The following ZBTB20 variants were observed in gnomAD, a reference collection of about 807,000 sequenced individuals.
ZBTB20 encodes the protein zinc finger and BTB domain-containing protein 20.
In ZBTB20, 9 loss-of-function variants were observed where a neutral mutation model predicts 56.9. The observed-to-expected ratio is 0.16, with a 90% CI of 0.10 to 0.28. ZBTB20 has a LOEUF of 0.28. Among genes scored for constraint, ZBTB20 ranks in the 10% least tolerant of loss-of-function variants. The pLI is 1.00. For synonymous variants in ZBTB20, 417 were observed against 420.7 expected, an observed-to-expected ratio of 0.99 and a Z score of 0.11; for missense variants, 655 against 1,003.0, an observed-to-expected ratio of 0.65 and a Z score of 4.69.
chr3:114,389,734 A>G (rs1322642076), intron 7 of ZBTB20, among the ~76,000 whole-genome samples: 1 of 242 alleles, frequency 4.1e-3, no homozygotes, highest in African/African-American at 5.9e-3. Context: ...CTAAAATGCA[A>G]AAAAATTAGC....
chr3:115,078,765 C>CA (rs1407949185), intron 1 of ZBTB20, among the ~76,000 whole-genome samples: 14 of 151,752 alleles, frequency 9.2e-5, no homozygotes, highest in African/African-American at 3.1e-4. Context: ...AAACACCTAT[C>CA]AAGAGCTCGG....
intron 3 of ZBTB20, among the ~76,000 whole-genome samples, chr3:114,965,126 T>C (rs1263927538): frequency 6.6e-6 from 1 of 152,206 alleles, no homozygotes; most frequent in Non-Finnish European, 1.5e-5. Context: ...CTTTGTGATA[T>C]AAAAATCTGT....
intron 4 of ZBTB20, among the ~76,000 whole-genome samples, chr3:114,809,017 T>C (rs2072323438): frequency 1.3e-5 from 2 of 152,092 alleles, no homozygotes; most frequent in Admixed American, 1.3e-4. Flanking sequence ...TCCCTCTACC[T>C]CCTGGCTTTG....
chr3:115,131,013 G>A (rs924174404), intron 1 of ZBTB20, among the ~76,000 whole-genome samples: 2 of 152,054 alleles, frequency 1.3e-5, no homozygotes, highest in Non-Finnish European at 2.9e-5. Flanking sequence ...CAGCTGCCTC[G>A]GCCTCCCAAA....
intron 6 of ZBTB20, among the ~76,000 whole-genome samples, chr3:114,669,081 T>A (rs942805332): frequency 6.6e-6 from 1 of 152,104 alleles, no homozygotes; most frequent in African/African-American, 2.4e-5. Flanking sequence ...TGCCACCCCC[T>A]TCCCCACCAG....
intron 8 of ZBTB20, among the ~76,000 whole-genome samples, chr3:114,381,856 C>T (rs908034060): frequency 1.3e-5 from 2 of 152,154 alleles, no homozygotes; most frequent in Non-Finnish European, 2.9e-5. Context: ...GTGAGGCTTT[C>T]AGACATCTTT....
chr3:114,507,463 C>T (rs2044772811), intron 6 of ZBTB20, among the ~76,000 whole-genome samples: 1 of 152,018 alleles, frequency 6.6e-6, no homozygotes, highest in East Asian at 1.9e-4. Flanking sequence ...GGTTTTTTGA[C>T]TATAAGAAAA....
intron 7 of ZBTB20, among the ~76,000 whole-genome samples, chr3:114,480,828 T>G (rs2041459845): frequency 6.6e-6 from 1 of 152,124 alleles, no homozygotes; most frequent in African/African-American, 2.4e-5. Flanking sequence ...TCATTTTTTT[T>G]TTTTTAAACA....
At chr3:115,068,139 T>C (rs1480492763) in intron 2 of ZBTB20, among the ~76,000 whole-genome samples, 24 of 151,970 alleles carry the variant, frequency 1.6e-4, no homozygotes, top group Admixed American at 1.5e-3. Context: ...AAATATCAGG[T>C]TTAACAGAAG....
At position 115,068,999 on chromosome 3, in the gene ZBTB20, C is replaced by T. The variant is rs146876182; in HGVS notation, c.-507+2220G>A. On this transcript the variant is annotated intron_variant, in intron 2 of 11. Transcript: ENST00000675478. ...TCAGCAGTCTTGATGCTGTCTCCTA[C>T]TCTGAAGTGTGAGTCTCTTTTCTAC... 2.3e-4 allele frequency among the ~76,000 whole-genome samples: 35 copies of T among 152,214 alleles called. No individual in the cohort carries two copies. In the East Asian group the frequency reaches 5.4e-3, roughly 23 times the overall value.
In ZBTB20 at chr3:114,670,812, C is replaced by T. The variant is rs566956825; in HGVS notation, c.-295+22716G>A. On this transcript the variant is annotated intron_variant, in intron 6 of 11. Transcript: ENST00000675478. The stretch of plus-strand genomic sequence containing the variant: ...GTGGTAGAAGCAAAATGCTGTGGGG[C>T]ACCCATGTGTCTTACATCTTTCCAA... 7.2e-5 allele frequency among the ~76,000 whole-genome samples: 11 copies of T among 152,230 alleles called. No homozygotes were observed. The East Asian group carries it at 2.1e-3, about 29-fold the overall frequency.
intron 5 of ZBTB20, among the ~76,000 whole-genome samples, chr3:114,758,419 A>C (rs577730178): frequency 6.6e-6 from 1 of 152,278 alleles, no homozygotes; most frequent in Admixed American, 6.5e-5. Flanking sequence ...TAAGTATTCC[A>C]AAACTATAAT....
In ZBTB20 at chr3:115,043,097, T is replaced by C. The variant is rs533539334; in HGVS notation, c.-507+28122A>G. The stretch of plus-strand genomic sequence containing the variant: ...ATCTTTCTAGAAATGCATGTCCTTT[T>C]CCTAGCCTTAGCTCTGAAAATATTG... On this transcript the variant is annotated intron_variant, in intron 2 of 11. Coordinates refer to ENST00000675478, the MANE Select transcript of ZBTB20 (RefSeq NM_001348800.3). Among the ~76,000 whole-genome samples, 9 of 152,342 alleles carry C rather than the reference T, an allele frequency of 5.9e-5. No homozygotes were observed. The East Asian group carries it at 1.7e-3, about 29-fold the overall frequency.
intron 5 of ZBTB20, among the ~76,000 whole-genome samples, chr3:114,722,549 G>A (rs1220385523): frequency 2.0e-5 from 3 of 152,172 alleles, no homozygotes; most frequent in Non-Finnish European, 4.4e-5. Flanking sequence ...TCAGTTGAAT[G>A]GTTTAACTTG....
intron 4 of ZBTB20, among the ~76,000 whole-genome samples, chr3:114,898,790 C>A (rs2074990396): frequency 6.6e-6 from 1 of 152,052 alleles, no homozygotes. Flanking sequence ...GACACACCAA[C>A]TCTAAGACCA....
chr3:114,573,357 G>A (rs2053642394), intron 6 of ZBTB20, among the ~76,000 whole-genome samples: 1 of 151,862 alleles, frequency 6.6e-6, no homozygotes, highest in Admixed American at 6.6e-5. Flanking sequence ...CTACTCGGGA[G>A]GCTGTGGCAC....
At chr3:114,981,365 C>A (rs2078319240) in intron 2 of ZBTB20, among the ~76,000 whole-genome samples, 1 of 151,984 alleles carries the variant, frequency 6.6e-6, no homozygotes, top group Non-Finnish European at 1.5e-5. Flanking sequence ...TTAATTTAGT[C>A]TTGGTTAAAG....
chr3:114,387,634 C>T (rs115634155), intron 8 of ZBTB20: 31 of 152,316 alleles, frequency 2.0e-4, no homozygotes, highest in African/African-American at 7.5e-4. Context: ...CTTTTAAACC[C>T]ATCTGCATCA....
intron 1 of ZBTB20, among the ~76,000 whole-genome samples, chr3:115,113,044 T>C (rs565975049): frequency 2.9e-4 from 44 of 152,262 alleles, no homozygotes; most frequent in Admixed American, 6.5e-4. Flanking sequence ...CTCTGATGAT[T>C]AGTGATGTTG....
Sources: gnomAD v4.1 joint callset for allele counts (sites outside exome capture counted in the v4.1 genomes callset) on GRCh38, gnomAD v4.1.1 for gene constraint, MANE v1.5 for transcripts, NCBI Gene and HGNC (gene_info 2026-07-23, HGNC 2026-07-21) for gene names.